The following PKD2 variants were observed in gnomAD, a reference collection of about 807,000 sequenced individuals.
PKD2 encodes polycystin 2, transient receptor potential cation channel, also known as polycystin-2.
In PKD2, 48 loss-of-function variants were observed where a neutral mutation model predicts 105.9. The ratio of observed to expected loss-of-function variants is 0.45; its 90% CI spans 0.36 to 0.58. The LOEUF is 0.58. PKD2 is among the 20% of genes least tolerant of loss of function. PKD2 has a pLI of 0.00. For synonymous variants in PKD2, 464 were observed against 481.1 expected (o/e 0.96, Z 0.46); for missense variants, 1,078 against 1,255.3 (o/e 0.86, Z 2.13).
intron 13 of PKD2, among the ~76,000 whole-genome samples, chr4:88,073,371 G>T (rs1362508425): frequency 6.6e-6 from 1 of 150,902 alleles, no homozygotes; most frequent in Non-Finnish European, 1.5e-5. Flanking sequence ...CTAAAAAATA[G>T]AAAAATTATC....
chr4:88,045,333 A>G (rs965569386), intron 5 of PKD2, among the ~76,000 whole-genome samples: 3 of 152,156 alleles, frequency 2.0e-5, no homozygotes, highest in African/African-American at 7.2e-5. Flanking sequence ...TCTCACCCCT[A>G]CTCTCTAACA....
chr4:88,008,714 TC>T (rs1726283383), intron 1 of PKD2, among the ~76,000 whole-genome samples: 1 of 152,154 alleles, frequency 6.6e-6, no homozygotes, highest in South Asian at 2.1e-4. Context: ...TTTGCCAATG[TC>T]ACAAAATCTA....
At chr4:88,035,980 GTAAGCCAATTTTGTTTCCCA>G in intron 2 of PKD2, 2 of 560,306 alleles carry the variant, frequency 3.6e-6, no homozygotes, top group East Asian at 6.6e-5. Flanking sequence ...ATACTCAATA[GTAAGCCAATTTTGTTTCCCA>G]TAAGCCAATA....
At chr4:88,057,872 A>G (rs1010532244) in intron 8 of PKD2, 111 bp from the exon 9 acceptor site, 3 of 835,818 alleles carry the variant, frequency 3.6e-6, no homozygotes, top group Non-Finnish European at 6.2e-6. Context: ...TTCGGCAGCT[A>G]CCTATACTGC....
In PKD2 at chr4:88,077,714, A is replaced by AAG. The variant is rs1467663957; in HGVS notation, c.*2022_*2023dup. 2 of 152,186 alleles carry AAG rather than the reference A, an allele frequency of 1.3e-5. No homozygotes were observed. The highest frequency in any genetic ancestry group is 2.9e-5 in the Non-Finnish European group (2 of 68,034). 9.4% of individuals were successfully genotyped at this position (152,186 alleles called of 1,614,324 possible). Reference sequence around the variant, plus strand: ...CATACGCAAGTCTTTCTCGACAATCAAGAATGTTATTAATGTGTAATACTG... The same window carrying AAG: ...CATACGCAAGTCTTTCTCGACAATCAAGAGAATGTTATTAATGTGTAATACTG... On this transcript the variant is annotated 3_prime_UTR_variant, in exon 15 of 15. Coordinates refer to ENST00000237596, the MANE Select transcript of PKD2 (RefSeq NM_000297.4).
At chr4:88,030,579 G>A (rs898938306) in intron 2 of PKD2, among the ~76,000 whole-genome samples, 5 of 152,194 alleles carry the variant, frequency 3.3e-5, no homozygotes, top group African/African-American at 4.8e-5. Flanking sequence ...AAGCCTCAGC[G>A]TACACTGTCC....
rs1053375327 is a variant in PKD2, at chr4:88,052,222, C to T, written c.1716+64C>T. Reference sequence around the variant, plus strand: ...TTTTCTTTAAAAAAAATGAGTTCCACAAAATCATGGAATACTTGAATTTGA... The same window carrying T: ...TTTTCTTTAAAAAAAATGAGTTCCATAAAATCATGGAATACTTGAATTTGA... On this transcript the variant is annotated intron_variant, in intron 7 of 14. Transcript: ENST00000237596. 3.4e-5 allele frequency: 35 copies of T among 1,032,904 alleles called. No homozygotes were observed. In the Admixed American group the frequency reaches 4.4e-4, roughly 13 times the overall value. 64.0% of individuals were successfully genotyped at this position (1,032,904 alleles called of 1,614,324 possible). A position where few individuals can be genotyped will look rare whatever the true frequency, so the allele number is the denominator to read the frequency against.
At chr4:88,044,111 G>C (rs1360101944) in intron 5 of PKD2, among the ~76,000 whole-genome samples, 1 of 152,086 alleles carries the variant, frequency 6.6e-6, no homozygotes, top group Non-Finnish European at 1.5e-5. Context: ...CATTGTTCTC[G>C]GCTCTTGGGA....
At chr4:88,040,927 G>T (rs1727538056) in intron 4 of PKD2, among the ~76,000 whole-genome samples, 1 of 152,032 alleles carries the variant, frequency 6.6e-6, no homozygotes, top group Admixed American at 6.6e-5. Context: ...AATGTGCCAG[G>T]CATGTTCCCA....
At chr4:88,020,289 G>A (rs770266824) in intron 2 of PKD2, among the ~76,000 whole-genome samples, 15 of 152,088 alleles carry the variant, frequency 9.9e-5, no homozygotes, top group Non-Finnish European at 1.8e-4. Context: ...TTTTATTGGC[G>A]TATACATGTA....
At chr4:88,021,711 A>G (rs1036417663) in intron 2 of PKD2, among the ~76,000 whole-genome samples, 3 of 152,226 alleles carry the variant, frequency 2.0e-5, no homozygotes, top group African/African-American at 7.2e-5. Context: ...GTTCGTCCTT[A>G]GCAGTGAAGC....
At chr4:88,073,571 GC>G (rs1179252716) in intron 13 of PKD2, among the ~76,000 whole-genome samples, 5 of 152,044 alleles carry the variant, frequency 3.3e-5, no homozygotes, top group South Asian at 4.2e-4. Context: ...AATGCTGGCA[GC>G]CTGCCCCTCC....
At chr4:88,068,593 T>C (rs910893347) in intron 13 of PKD2, among the ~76,000 whole-genome samples, 2 of 152,358 alleles carry the variant, frequency 1.3e-5, no homozygotes, top group African/African-American at 4.8e-5. Flanking sequence ...GAAAAATGTT[T>C]ATTAATATAT....
At chr4:88,042,236 A>G (rs972419643) in intron 4 of PKD2, among the ~76,000 whole-genome samples, 8 of 152,228 alleles carry the variant, frequency 5.3e-5, no homozygotes, top group Non-Finnish European at 1.2e-4. Context: ...AGGCCTCACA[A>G]TCATGGTGGA....
chr4:88,069,361 C>T (rs923083055), intron 13 of PKD2, among the ~76,000 whole-genome samples: 2 of 151,194 alleles, frequency 1.3e-5, no homozygotes, highest in African/African-American at 2.4e-5. Context: ...TTTTTTTGTT[C>T]CTCTTTCACT....
rs1366003918 is a variant in PKD2, at chr4:88,077,664, T to C, written c.*1970T>C. 1 of 152,232 alleles carries C rather than the reference T, an allele frequency of 6.6e-6. No homozygotes were observed. The highest frequency in any genetic ancestry group is 1.5e-5 in the Non-Finnish European group (1 of 68,028). 9.4% of individuals were successfully genotyped at this position (152,232 alleles called of 1,614,324 possible). The stretch of plus-strand genomic sequence containing the variant: ...CTCTTCCCTATTATCTTTCCCTGTG[T>C]ACTGGTATTATTAAAAAGACATTAC... On this transcript the variant is annotated 3_prime_UTR_variant, in exon 15 of 15. Coordinates refer to ENST00000237596, the MANE Select transcript of PKD2 (RefSeq NM_000297.4).
At chr4:88,047,174 TG>T (rs899541054) in intron 6 of PKD2, among the ~76,000 whole-genome samples, 2 of 136,368 alleles carry the variant, frequency 1.5e-5, no homozygotes, top group Non-Finnish European at 3.0e-5. Flanking sequence ...TTTTTTTCTT[TG>T]TTTTTTTTTC....
chr4:88,076,733 C>A lies in PKD2; in HGVS notation c.*1039C>A, dbSNP rs1304218676. ...AGGTATGACGGCTCACGCCTGTAAT[C>A]CCAGCACTTTGGGAGGCCGAAACAG... On this transcript the variant is annotated 3_prime_UTR_variant, in exon 15 of 15. Transcript: ENST00000237596. The A allele has an allele frequency of 6.6e-6, 1 of 152,152 alleles. No individual in the cohort carries two copies. The highest frequency in any genetic ancestry group is 1.5e-5 in the Non-Finnish European group (1 of 68,042). 9.4% of individuals were successfully genotyped at this position (152,152 alleles called of 1,614,324 possible). A position where few individuals can be genotyped will look rare whatever the true frequency, so the allele number is the denominator to read the frequency against.
intron 1 of PKD2, 86 bp downstream of exon 1, chr4:88,008,414 C>A: frequency 7.0e-7 from 1 of 1,434,060 alleles, no homozygotes; most frequent in Non-Finnish European, 9.2e-7. Context: ...GGCAGCTCCC[C>A]GGGCTCCATC....
Sources: gnomAD v4.1 joint callset for allele counts (sites outside exome capture counted in the v4.1 genomes callset) on GRCh38, gnomAD v4.1.1 for gene constraint, MANE v1.5 for transcripts, NCBI Gene and HGNC (gene_info 2026-07-23, HGNC 2026-07-21) for gene names.